Variants in ESRRG observed in about 807,000 individuals in gnomAD.
ESRRG encodes the protein estrogen-related receptor gamma.
A neutral mutation model predicts 44.0 loss-of-function variants in ESRRG; 13 were observed. That is an observed-to-expected ratio of 0.30 (90% CI 0.19 to 0.47). The LOEUF (loss-of-function observed/expected upper bound fraction) is 0.47. ESRRG is among the 20% of genes least tolerant of loss of function. The probability of loss-of-function intolerance (pLI) is 1.00; values close to 1 mark genes in which losing one functional copy is unlikely to be tolerated. For missense variants in ESRRG, 395 were observed against 580.6 expected (o/e 0.68, Z 3.29); for synonymous variants, 215 against 214.6 (o/e 1.00, Z -0.02).
intron 2 of ESRRG, among the ~76,000 whole-genome samples, chr1:216,673,205 A>G (rs1370981050): frequency 6.6e-6 from 1 of 152,240 alleles, no homozygotes; most frequent in East Asian, 1.9e-4. Context: ...AGTCTGGGCC[A>G]CACTCAACAT....
At chr1:217,012,179 G>A (rs546453209) in intron 1 of ESRRG, among the ~76,000 whole-genome samples, 21 of 152,280 alleles carry the variant, frequency 1.4e-4, no homozygotes, top group African/African-American at 5.1e-4. Flanking sequence ...TGTGGACACC[G>A]TCATTCTAGT....
intron 2 of ESRRG, among the ~76,000 whole-genome samples, chr1:216,673,778 C>T (rs1287755707): frequency 2.0e-5 from 3 of 152,162 alleles, no homozygotes; most frequent in East Asian, 3.9e-4. Context: ...ACCGAAGACT[C>T]GAGGGTTTAA....
intron 1 of ESRRG, among the ~76,000 whole-genome samples, chr1:217,006,229 T>A (rs1030459240): frequency 1.3e-5 from 2 of 152,210 alleles, no homozygotes; most frequent in Non-Finnish European, 2.9e-5. Flanking sequence ...CTTAAAAATG[T>A]TAAAAAGTAA....
intron 1 of ESRRG, among the ~76,000 whole-genome samples, chr1:217,073,298 T>G (rs4846811): frequency 0.33 from 50,390 of 150,650 alleles, 8,867 homozygotes; most frequent in East Asian, 0.68. Context: ...AAATCCATCT[T>G]ACAGAATCTC....
intron 5 of ESRRG, among the ~76,000 whole-genome samples, chr1:216,522,655 A>G (rs546663594): frequency 9.2e-5 from 14 of 152,254 alleles, no homozygotes; most frequent in Non-Finnish European, 1.8e-4. Flanking sequence ...ATTCCATAAA[A>G]TTATTTTACC....
intron 2 of ESRRG, among the ~76,000 whole-genome samples, chr1:216,931,794 A>G (rs1277465162): frequency 6.6e-6 from 1 of 151,438 alleles, no homozygotes; most frequent in African/African-American, 2.4e-5. Context: ...TTTCTTTCAG[A>G]GGAGAAGCCA....
In ESRRG at chr1:217,088,224, C is replaced by A. The variant is rs80181490; in HGVS notation, c.-106+1283G>T. Among the ~76,000 whole-genome samples, 1,315 of 152,192 alleles carry A rather than the reference C, an allele frequency of 8.6e-3. 28 individuals are homozygous for A. Among genetic ancestry groups the A allele is most frequent in the African/African-American group, 0.03 (1,240 of 41,518 alleles). The stretch of plus-strand genomic sequence containing the variant: ...CAGTGTGAGAAACAAATGAGAGTTT[C>A]TCTTCAAAACTAGACCAAGTCATTC... On this transcript the variant is annotated intron_variant, in intron 1 of 7. Transcript: ENST00000359162.
chr1:216,793,704 T>C (rs2094392129), intron 2 of ESRRG, among the ~76,000 whole-genome samples: 1 of 152,234 alleles, frequency 6.6e-6, no homozygotes, highest in African/African-American at 2.4e-5. Flanking sequence ...TGTTAAAGTT[T>C]TCAATTAATT....
At chr1:216,814,744 C>T (rs562326585) in intron 2 of ESRRG, among the ~76,000 whole-genome samples, 5 of 152,276 alleles carry the variant, frequency 3.3e-5, no homozygotes, top group African/African-American at 1.2e-4. Flanking sequence ...GTCCAAGGCT[C>T]AGAGCCCGTT....
intron 2 of ESRRG, among the ~76,000 whole-genome samples, chr1:216,664,761 C>G (rs1410894221): frequency 1.3e-5 from 2 of 151,124 alleles, no homozygotes; most frequent in African/African-American, 4.8e-5. Context: ...CACTTGTGCT[C>G]TGTTGATGGT....
intron 3 of ESRRG, among the ~76,000 whole-genome samples, chr1:216,617,602 A>T (rs1222480558): frequency 6.6e-6 from 1 of 152,176 alleles, no homozygotes; most frequent in Non-Finnish European, 1.5e-5. Flanking sequence ...AACATTCTGC[A>T]ATGATCATAT....
intron 1 of ESRRG, among the ~76,000 whole-genome samples, chr1:217,097,793 C>T (rs1023899736): frequency 1.4e-5 from 2 of 146,854 alleles, no homozygotes; most frequent in African/African-American, 2.5e-5. Flanking sequence ...TCAAGTTCAT[C>T]GATTTGCAAC....
intron 2 of ESRRG, among the ~76,000 whole-genome samples, chr1:216,830,471 C>T (rs1327622166): frequency 6.6e-6 from 1 of 152,190 alleles, no homozygotes; most frequent in Non-Finnish European, 1.5e-5. Flanking sequence ...TTAGGGAAAA[C>T]ACAGCCCTCT....
At chr1:216,753,436 G>A (rs1458674663) in intron 2 of ESRRG, among the ~76,000 whole-genome samples, 1 of 151,938 alleles carries the variant, frequency 6.6e-6, no homozygotes, top group African/African-American at 2.4e-5. Flanking sequence ...CCATCAAAGG[G>A]TATTTTTAAA....
chr1:216,914,084 A>C (rs1217688342), intron 2 of ESRRG, among the ~76,000 whole-genome samples: 1 of 152,028 alleles, frequency 6.6e-6, no homozygotes, highest in African/African-American at 2.4e-5. Flanking sequence ...CTTAAAAATC[A>C]TATTAGCTCC....
intron 5 of ESRRG, among the ~76,000 whole-genome samples, chr1:216,556,315 A>C (rs2057556968): frequency 6.6e-6 from 1 of 152,120 alleles, no homozygotes; most frequent in Non-Finnish European, 1.5e-5. Flanking sequence ...TCAGGCTTCT[A>C]AAAGATTATA....
chr1:217,093,446 T>C (rs1004505649), upstream of ESRRG, among the ~76,000 whole-genome samples: 9 of 149,132 alleles, frequency 6.0e-5, no homozygotes, highest in Non-Finnish European at 8.9e-5. Flanking sequence ...AATTCCTGTG[T>C]AGAGTTAAAG....
At chr1:216,732,025 G>A (rs1368632971) in intron 2 of ESRRG, among the ~76,000 whole-genome samples, 2 of 150,578 alleles carry the variant, frequency 1.3e-5, no homozygotes, top group African/African-American at 4.9e-5. Context: ...ATTTTTATAT[G>A]TTTAAAATAT....
chr1:217,064,694 G>A (rs548130582), intron 1 of ESRRG, among the ~76,000 whole-genome samples: 3 of 152,290 alleles, frequency 2.0e-5, no homozygotes, highest in African/African-American at 7.2e-5. Context: ...CTTACCAAGT[G>A]TATTACAACT....
Sources: gnomAD v4.1 joint callset for allele counts (sites outside exome capture counted in the v4.1 genomes callset) on GRCh38, gnomAD v4.1.1 for gene constraint, MANE v1.5 for transcripts, NCBI Gene and HGNC (gene_info 2026-07-23, HGNC 2026-07-21) for gene names.